CEP85L: variants seen among roughly 807,000 people sequenced by gnomAD.
The protein encoded by CEP85L is centrosomal protein 85L.
A neutral mutation model predicts 100.3 loss-of-function variants in CEP85L; 60 were observed. The ratio of observed to expected loss-of-function variants is 0.60; its 90% confidence interval spans 0.49 to 0.74. The LOEUF (loss-of-function observed/expected upper bound fraction) is 0.74. CEP85L is among the 30% of genes least tolerant of loss of function. The probability of loss-of-function intolerance (pLI) is 0.00; values close to 1 mark genes in which losing one functional copy is unlikely to be tolerated. For missense variants in CEP85L, 973 were observed against 936.2 expected, an observed-to-expected ratio of 1.04 and a Z score of -0.51; for synonymous variants, 319 against 322.7, an observed-to-expected ratio of 0.99 and a Z score of 0.12.
At position 118,565,726 on chromosome 6, in the gene CEP85L, G is replaced by A; in HGVS notation, c.823C>T (p.Pro275Ser). The change falls in exon 3 of 13, where the codon CCA becomes TCA. Residue 275 changes from proline (P) to serine (S), a missense_variant. Physicochemically the swap from Pro to Ser is moderately conservative, Grantham distance 74. Coordinates refer to ENST00000368491, the MANE Select transcript of CEP85L (RefSeq NM_001042475.3). ...IMTSSEAFEP[P>S]KYLMLGQQAV... The stretch of plus-strand genomic sequence containing the variant: ...TGTTGACCAAGCATTAAATATTTTG[G>A]AGGTTCAAAAGCCTCTGAGCTTGTC... The A allele has an allele frequency of 6.2e-7, 1 of 1,614,148 alleles. No individual in the cohort carries two copies. Among genetic ancestry groups the A allele is most frequent in the Non-Finnish European group, 8.5e-7 (1 of 1,180,020 alleles).
At chr6:118,483,991 AT>A in intron 6 of CEP85L, 133 bp from the exon 7 acceptor site, 1 of 729,398 alleles carries the variant, frequency 1.4e-6, no homozygotes, top group Middle Eastern at 3.9e-4. Context: ...TAGCAACTCA[AT>A]TAAGATTTAC....
chr6:118,604,495 T>G (rs1772043278), intron 2 of CEP85L, among the ~76,000 whole-genome samples: 1 of 152,252 alleles, frequency 6.6e-6, no homozygotes, highest in Admixed American at 6.5e-5. Context: ...CTTCTTATAA[T>G]CTTTTACCAA....
In CEP85L at chr6:118,565,537, G is replaced by A. The variant is rs1779448186; in HGVS notation, c.1012C>T (p.Pro338Ser). 6.2e-7 allele frequency: 1 copy of A among 1,613,990 alleles called. No individual in the cohort carries two copies. Among genetic ancestry groups the A allele is most frequent in the Non-Finnish European group, 8.5e-7 (1 of 1,179,976 alleles). Residue 338 changes from proline (P) to serine (S), a missense_variant, in exon 3 of 13, where the codon CCA becomes TCA. Transcript: ENST00000368491. ...IEDFRQGSET[P>S]MQVLTGSSRQ... Reference sequence around the variant, plus strand: ...TAGATTTTGCACCTTACCTGCATTGGTGTTTCACTTCCTTGTCGAAAGTCT... The same window carrying A: ...TAGATTTTGCACCTTACCTGCATTGATGTTTCACTTCCTTGTCGAAAGTCT...
At chr6:118,655,383 G>A (rs777501841), upstream of CEP85L, among the ~76,000 whole-genome samples, 7 of 152,176 alleles carry the variant, frequency 4.6e-5, no homozygotes, top group Non-Finnish European at 8.8e-5. Context: ...GTCTTCCAAA[G>A]GACCATCAAT....
chr6:118,472,657 A>G (rs1051008971), intron 10 of CEP85L, among the ~76,000 whole-genome samples: 1 of 152,172 alleles, frequency 6.6e-6, no homozygotes, highest in Non-Finnish European at 1.5e-5. Context: ...ACTTGCTCAA[A>G]CTGGTAGTAC....
intron 1 of CEP85L, among the ~76,000 whole-genome samples, chr6:118,634,497 T>G (rs1444228249): frequency 6.6e-6 from 1 of 152,162 alleles, no homozygotes; most frequent in African/African-American, 2.4e-5. Context: ...CTTAAAAGCC[T>G]TATACATTTA....
chr6:118,644,099 C>CT (rs1204921889), intron 1 of CEP85L, among the ~76,000 whole-genome samples: 2 of 152,204 alleles, frequency 1.3e-5, no homozygotes, highest in African/African-American at 4.8e-5. Context: ...TAGATAATCT[C>CT]TAATTTCTGC....
chr6:118,584,314 A>C (rs951938900), intron 2 of CEP85L, among the ~76,000 whole-genome samples: 1 of 152,164 alleles, frequency 6.6e-6, no homozygotes, highest in Non-Finnish European at 1.5e-5. Flanking sequence ...AGCATTAGGG[A>C]AGGAGGGAGT....
At chr6:118,531,890 C>T (rs1311380142) in intron 3 of CEP85L, among the ~76,000 whole-genome samples, 1 of 152,036 alleles carries the variant, frequency 6.6e-6, no homozygotes, top group Non-Finnish European at 1.5e-5. Flanking sequence ...AAAGGGAACA[C>T]TTATACAGTG....
chr6:118,640,730 A>T (rs895226591), intron 1 of CEP85L, among the ~76,000 whole-genome samples: 3 of 152,060 alleles, frequency 2.0e-5, no homozygotes, highest in African/African-American at 7.2e-5. Context: ...GGGTTTCGCC[A>T]TGTTGGCCAG....
chr6:118,625,469 A>G (rs1207524286), intron 2 of CEP85L, among the ~76,000 whole-genome samples: 1 of 152,216 alleles, frequency 6.6e-6, no homozygotes, highest in Non-Finnish European at 1.5e-5. Context: ...ACCCAATTCT[A>G]TTATAAAATA....
chr6:118,670,088 T>G (rs1776251125), intron 1 of CEP85L, among the ~76,000 whole-genome samples: 1 of 151,998 alleles, frequency 6.6e-6, no homozygotes. Flanking sequence ...ACAAAGCATT[T>G]GTCAAGTGGC....
chr6:118,477,208 C>T (rs899782842), intron 10 of CEP85L, among the ~76,000 whole-genome samples: 2 of 151,964 alleles, frequency 1.3e-5, no homozygotes, highest in Non-Finnish European at 2.9e-5. Flanking sequence ...GTATTCATGC[C>T]AGTTAACAAT....
chr6:118,642,239 T>C (rs1025074735), intron 1 of CEP85L, among the ~76,000 whole-genome samples: 1 of 152,216 alleles, frequency 6.6e-6, no homozygotes, highest in Non-Finnish European at 1.5e-5. Context: ...TGGTTCTCTA[T>C]GGTCTCAAAA....
chr6:118,548,517 TAAAA>T (rs1778343433), intron 3 of CEP85L: 1 of 152,118 alleles, frequency 6.6e-6, no homozygotes, highest in Admixed American at 6.5e-5. Flanking sequence ...TCTTAGGCAA[TAAAA>T]TGACATGACA....
At chr6:118,552,789 A>G (rs1778627685) in intron 3 of CEP85L, among the ~76,000 whole-genome samples, 1 of 152,024 alleles carries the variant, frequency 6.6e-6, no homozygotes, top group Admixed American at 6.6e-5. Context: ...AAGTAGAGTA[A>G]TCATGGATCC....
chr6:118,580,264 C>T (rs998131409), intron 2 of CEP85L, among the ~76,000 whole-genome samples: 2 of 152,146 alleles, frequency 1.3e-5, no homozygotes, highest in Non-Finnish European at 2.9e-5. Flanking sequence ...ATATCCATGT[C>T]GTCGTATTTA....
intron 1 of CEP85L, among the ~76,000 whole-genome samples, chr6:118,697,020 C>A (rs12204374): frequency 0.032 from 4,915 of 152,228 alleles, 122 homozygotes; most frequent in African/African-American, 0.066. Flanking sequence ...GATAAAGAAA[C>A]TCCCATTGAA....
chr6:118,558,634 C>CACACAA (rs1431017727), intron 3 of CEP85L, among the ~76,000 whole-genome samples: 2 of 92,858 alleles, frequency 2.2e-5, no homozygotes, highest in East Asian at 4.4e-4. Flanking sequence ...CATACACACA[C>CACACAA]ACACACACAC....
Sources: allele counts gnomAD v4.1 joint callset (sites outside exome capture counted in the v4.1 genomes callset), GRCh38; gene constraint gnomAD v4.1.1; transcripts MANE v1.5; gene names NCBI Gene and HGNC (gene_info 2026-07-23, HGNC 2026-07-21).